Variants in HNMT observed in about 807,000 individuals in gnomAD.
HNMT encodes the protein histamine N-methyltransferase.
Under a neutral mutation model 32.1 loss-of-function variants are expected in HNMT, and 30 were observed. That is an observed-to-expected ratio of 0.93 (90% CI 0.70 to 1.27). HNMT has a LOEUF of 1.27. HNMT is among the 50% of genes most tolerant of loss of function. The pLI is 0.00. For synonymous variants in HNMT, 125 were observed against 119.0 expected (o/e 1.05, Z -0.33); for missense variants, 327 against 346.0 (o/e 0.95, Z 0.43).
Position 138,014,152 on chromosome 2 carries a change from T to A in HNMT, c.*22T>A, listed in dbSNP as rs970217938. On this transcript the variant is annotated 3_prime_UTR_variant, in exon 6 of 6. Coordinates refer to ENST00000280097, the MANE Select transcript of HNMT (RefSeq NM_006895.3). Reference sequence around the variant, plus strand: ...ATAACTATCAATCACAAAAGTATATTCAAAAATTATATTTTGAACAACTCG... The same window carrying A: ...ATAACTATCAATCACAAAAGTATATACAAAAATTATATTTTGAACAACTCG... 8 of 1,364,584 alleles carry A rather than the reference T, an allele frequency of 5.9e-6. No homozygotes were observed. The highest frequency in any genetic ancestry group is 8.1e-6 in the Non-Finnish European group (8 of 990,196). The allele number at this position is 1,364,584 out of a possible 1,614,324, so 84.5% of individuals were successfully genotyped here.
rs10199542 is a variant in HNMT at position 137,984,365 on chromosome 2, G to A, written c.190+14148G>A. Among the ~76,000 whole-genome samples the A allele has an allele frequency of 9.8e-3, 1,485 of 152,250 alleles. 20 individuals carry two copies. Among genetic ancestry groups the A allele is most frequent in the African/African-American group, 0.033 (1,385 of 41,528 alleles). On this transcript the variant is annotated intron_variant, in intron 2 of 5. Transcript: ENST00000280097. ...GAAGTTTCTCTATCTGAATATCCCTGACATCACTTAGCATTCTTTAGCTTT... is the reference window on the plus strand; with the variant it reads ...GAAGTTTCTCTATCTGAATATCCCTAACATCACTTAGCATTCTTTAGCTTT...
At chr2:137,973,689 G>A (rs1041563783) in intron 2 of HNMT, among the ~76,000 whole-genome samples, 3 of 151,978 alleles carry the variant, frequency 2.0e-5, no homozygotes, top group Admixed American at 6.6e-5. Flanking sequence ...TTCTCCCACC[G>A]TGCTTCAAAA....
chr2:137,981,337 A>G (rs754136473), intron 2 of HNMT: 3 of 1,613,072 alleles, frequency 1.9e-6, no homozygotes, highest in Non-Finnish European at 2.5e-6. Context: ...CTGAGTTGCC[A>G]TTTGGAGCTG....
chr2:137,996,447 A>G (rs1004740653), intron 2 of HNMT, among the ~76,000 whole-genome samples: 15 of 152,210 alleles, frequency 9.9e-5, no homozygotes, highest in African/African-American at 3.6e-4. Context: ...TAAAATACCT[A>G]GGAATACAGC....
chr2:137,995,600 G>A (rs188570697), intron 2 of HNMT, among the ~76,000 whole-genome samples: 1 of 152,090 alleles, frequency 6.6e-6, no homozygotes, highest in African/African-American at 2.4e-5. Context: ...AAGAGGAGCT[G>A]GTACCATTCC....
intron 1 of HNMT, among the ~76,000 whole-genome samples, chr2:137,966,609 G>A (rs561458580): frequency 6.6e-6 from 1 of 152,110 alleles, no homozygotes; most frequent in Non-Finnish European, 1.5e-5. Flanking sequence ...CCCTAGAGTT[G>A]ACTATTGCCT....
chr2:137,978,614 GTAT>G (rs1432239579), intron 2 of HNMT, among the ~76,000 whole-genome samples: 1 of 120,094 alleles, frequency 8.3e-6, no homozygotes. Context: ...ATATAATATA[GTAT>G]TATACAATAC....
chr2:137,984,351 A>G (rs74949639), intron 2 of HNMT, among the ~76,000 whole-genome samples: 3,583 of 152,260 alleles, frequency 0.024, 138 homozygotes, highest in African/African-American at 0.082. Flanking sequence ...AAGTTTCTCT[A>G]TCTGAATATC....
At position 138,013,810 on chromosome 2, in the gene HNMT, G is replaced by A. The variant is rs199520450; in HGVS notation, c.559G>A (p.Gly187Arg). The change falls in exon 6 of 6, where the codon GGA becomes AGA. Residue 187 changes from glycine to arginine, a missense_variant. By Grantham distance (125) the Gly-to-Arg change is moderately radical. Transcript: ENST00000280097. ...CTGGGACAAGCTGTGGAAAAAGTAC[G>A]GATCACGCTTTCCCCAGGATGACCT... is the stretch of plus-strand genomic sequence containing the variant. ...SGWDKLWKKY[G>R]SRFPQDDLCQ... 4.6e-5 allele frequency: 74 copies of A among 1,613,244 alleles called. No individual in the cohort carries two copies. In the Middle Eastern group the frequency reaches 1.3e-3, roughly 29 times the overall value.
intron 2 of HNMT, among the ~76,000 whole-genome samples, chr2:137,985,846 C>A (rs918392888): frequency 2.2e-4 from 33 of 152,132 alleles, no homozygotes; most frequent in East Asian, 5.8e-4. Context: ...AAATGTAAGC[C>A]TCCAGGATGT....
intron 1 of HNMT, chr2:137,967,058 G>A: frequency 1.3e-6 from 1 of 780,270 alleles, no homozygotes; most frequent in South Asian, 1.3e-5. Context: ...AAATGGTTTT[G>A]TATAATAGAT....
At chr2:137,989,778 AT>A (rs1680764429) in intron 2 of HNMT, among the ~76,000 whole-genome samples, 3 of 152,052 alleles carry the variant, frequency 2.0e-5, no homozygotes, top group Admixed American at 2.0e-4. Context: ...AGTGCTCTGG[AT>A]TTTGGCCCTT....
chr2:137,978,654 C>A lies in HNMT; in HGVS notation c.190+8437C>A, dbSNP rs529904768. Among the ~76,000 whole-genome samples the A allele has an allele frequency of 8.0e-5, 11 of 137,862 alleles. No homozygotes were observed. In the South Asian group the frequency reaches 2.6e-3, roughly 32 times the overall value. 90.4% of individuals were successfully genotyped at this position (137,862 alleles called of 152,430 possible). ...TATGATTAGATAATATAGTATTATA[C>A]AATACATATGATTAGATAATATAGT... On this transcript the variant is annotated intron_variant, in intron 2 of 5. Coordinates refer to ENST00000280097, the MANE Select transcript of HNMT (RefSeq NM_006895.3).
At chr2:137,968,389 A>G (rs979020914) in intron 1 of HNMT, among the ~76,000 whole-genome samples, 2 of 152,240 alleles carry the variant, frequency 1.3e-5, no homozygotes, top group African/African-American at 4.8e-5. Flanking sequence ...ACATGTACCT[A>G]GAATCATAAT....
At chr2:138,010,504 AAAAGCAAT>A (rs1681471464) in intron 5 of HNMT, among the ~76,000 whole-genome samples, 1 of 151,638 alleles carries the variant, frequency 6.6e-6, no homozygotes, top group Non-Finnish European at 1.5e-5. Flanking sequence ...GCAGCCAGAC[AAAAGCAAT>A]AAAGAACAAA....
rs554520944 is a variant in HNMT at position 138,009,141 on chromosome 2, GA to G, written c.523+3923del. On this transcript the variant is annotated intron_variant, in intron 5 of 5. Coordinates refer to ENST00000280097, the MANE Select transcript of HNMT (RefSeq NM_006895.3). Reference sequence around the variant, plus strand: ...ACAGAGATGTGGCCAAGAAGCATTTGAAAAAAAGCTCAACATCACTGATCAT... The same window carrying G: ...ACAGAGATGTGGCCAAGAAGCATTTGAAAAAAGCTCAACATCACTGATCAT... Among the ~76,000 whole-genome samples, 136 of 151,978 alleles carry G rather than the reference GA, an allele frequency of 8.9e-4. 1 individual carries two copies. Among genetic ancestry groups the G allele is most frequent in the Non-Finnish European group, 1.6e-3 (109 of 67,914 alleles).
intron 2 of HNMT, chr2:137,981,354 T>C (rs754787091): frequency 6.2e-7 from 1 of 1,612,944 alleles, no homozygotes; most frequent in African/African-American, 1.3e-5. Context: ...GCTGCCCGTT[T>C]AGAAAGCAAA....
chr2:138,010,016 A>G (rs542516783), intron 5 of HNMT, among the ~76,000 whole-genome samples: 109 of 152,196 alleles, frequency 7.2e-4, no homozygotes, highest in Middle Eastern at 3.4e-3. Flanking sequence ...GTTTTTATTA[A>G]GATTCTTTGG....
At chr2:137,983,468 C>T (rs1195129530) in intron 2 of HNMT, among the ~76,000 whole-genome samples, 1 of 150,780 alleles carries the variant, frequency 6.6e-6, no homozygotes, top group Non-Finnish European at 1.5e-5. Flanking sequence ...TTGTAGGGAA[C>T]AAAAAAAAAT....
Sources: gnomAD v4.1 joint callset for allele counts (sites outside exome capture counted in the v4.1 genomes callset) on GRCh38, gnomAD v4.1.1 for gene constraint, MANE v1.5 for transcripts, NCBI Gene and HGNC (gene_info 2026-07-23, HGNC 2026-07-21) for gene names.